The following ADAMTSL1 variants were observed in gnomAD, a reference collection of about 807,000 sequenced individuals.
ADAMTSL1 encodes the protein ADAMTS-like protein 1.
In ADAMTSL1, 126 loss-of-function variants were observed where a neutral mutation model predicts 201.8. The observed-to-expected ratio is 0.62, with a 90% CI of 0.54 to 0.72. The LOEUF (loss-of-function observed/expected upper bound fraction) is 0.72. Ranked by LOEUF, ADAMTSL1 falls within the 30% of genes least tolerant of loss-of-function variation. The probability of loss-of-function intolerance (pLI) is 0.00; values close to 1 mark genes in which losing one functional copy is unlikely to be tolerated. For missense variants in ADAMTSL1, 2,679 were observed against 2,277.8 expected (o/e 1.18, Z -3.59); for synonymous variants, 1,121 against 903.4 (o/e 1.24, Z -4.32).
chr9:18,149,920 T>C (rs1826832880), intron 1 of ADAMTSL1, among the ~76,000 whole-genome samples: 1 of 151,960 alleles, frequency 6.6e-6, no homozygotes, highest in East Asian at 1.9e-4. Flanking sequence ...AGACAGATTA[T>C]AGGCAGACTT....
chr9:18,432,756 G>A (rs1819553672), intron 2 of ADAMTSL1, among the ~76,000 whole-genome samples: 1 of 152,144 alleles, frequency 6.6e-6, no homozygotes, highest in African/African-American at 2.4e-5. Context: ...TTATTATAAG[G>A]ATCAAGTGTG....
chr9:18,481,533 C>G (rs1821730013), intron 1 of ADAMTSL1, among the ~76,000 whole-genome samples: 1 of 151,270 alleles, frequency 6.6e-6, no homozygotes, highest in Admixed American at 6.6e-5. Context: ...CAAAACACAA[C>G]TCTTCTGTAG....
chr9:18,343,764 A>T (rs1234994517), intron 2 of ADAMTSL1, among the ~76,000 whole-genome samples: 1 of 152,142 alleles, frequency 6.6e-6, no homozygotes, highest in Admixed American at 6.6e-5. Flanking sequence ...ATAAACTGTG[A>T]TGCATTGATC....
intron 1 of ADAMTSL1, among the ~76,000 whole-genome samples, chr9:17,915,062 G>A (rs1050021994): frequency 2.6e-5 from 4 of 151,736 alleles, no homozygotes; most frequent in African/African-American, 9.7e-5. Flanking sequence ...AGGTATAAAT[G>A]GCATAAGGTA....
At chr9:18,274,892 C>G (rs1038806737) in intron 2 of ADAMTSL1, among the ~76,000 whole-genome samples, 4 of 152,158 alleles carry the variant, frequency 2.6e-5, no homozygotes, top group Admixed American at 2.6e-4. Context: ...AAAGATCATT[C>G]TGAACTGAAA....
At chr9:18,037,753 C>T (rs574336446) in intron 1 of ADAMTSL1, among the ~76,000 whole-genome samples, 58 of 152,236 alleles carry the variant, frequency 3.8e-4, no homozygotes, top group African/African-American at 1.3e-3. Context: ...ACCTTTATAA[C>T]TTCTTACGTG....
intron 2 of ADAMTSL1, among the ~76,000 whole-genome samples, chr9:18,240,570 T>C: frequency 6.6e-6 from 1 of 152,192 alleles, no homozygotes. Flanking sequence ...AGAGTTAGAC[T>C]GTCCTTCGAA....
At chr9:18,230,398 G>T (rs34110348) in intron 2 of ADAMTSL1, among the ~76,000 whole-genome samples, 1 of 152,030 alleles carries the variant, frequency 6.6e-6, no homozygotes, top group African/African-American at 2.4e-5. Context: ...AGAAGTAGGG[G>T]AAGTGTCCCC....
chr9:18,795,449 G>T lies in ADAMTSL1; in HGVS notation c.3730G>T (p.Asp1244Tyr). ...ACAGATCTTGGCACCAGTGGAAGCA[G>T]ATGTGGGTTTCTACACTTGCAATGC... ...SLQILAPVEA[D>Y]VGFYTCNATN... is the part of the protein sequence containing the mutation. Residue 1244 changes from aspartate to tyrosine, a missense_variant, in exon 20 of 29, where the codon GAT becomes TAT. Coordinates refer to ENST00000380548, the MANE Select transcript of ADAMTSL1 (RefSeq NM_001040272.6). 6.2e-7 allele frequency: 1 copy of T among 1,613,954 alleles called. No individual in the cohort carries two copies. Among genetic ancestry groups the T allele is most frequent in the Non-Finnish European group, 8.5e-7 (1 of 1,179,854 alleles).
In ADAMTSL1 at chr9:18,644,552, A is replaced by C. The variant is rs530993456; in HGVS notation, c.834+5141A>C. On this transcript the variant is annotated intron_variant, in intron 7 of 28. Coordinates refer to ENST00000380548, the MANE Select transcript of ADAMTSL1 (RefSeq NM_001040272.6). The stretch of plus-strand genomic sequence containing the variant: ...TCCCTCCCCCCTACCCCCACCCCAC[A>C]ACAGTCCCCAGAGTGTGATGTTCCC... Among the ~76,000 whole-genome samples, 100 of 145,800 alleles carry C rather than the reference A, an allele frequency of 6.9e-4. 1 individual carries two copies. Among genetic ancestry groups the C allele is most frequent in the African/African-American group, 2.3e-3 (91 of 38,994 alleles).
chr9:18,286,535 T>C (rs1274650354), intron 2 of ADAMTSL1, among the ~76,000 whole-genome samples: 1 of 152,120 alleles, frequency 6.6e-6, no homozygotes, highest in Non-Finnish European at 1.5e-5. Context: ...CCAAAGATAA[T>C]GATAGTAGAT....
chr9:18,630,093 C>T (rs773487448), intron 5 of ADAMTSL1, among the ~76,000 whole-genome samples: 8 of 151,938 alleles, frequency 5.3e-5, no homozygotes, highest in Non-Finnish European at 1.2e-4. Flanking sequence ...TATAAATATC[C>T]TTGAGCTGTG....
chr9:18,776,882 G>T lies in ADAMTSL1; in HGVS notation c.2653G>T (p.Gly885Cys). ...RQRKLHFVVG[G>C]FAYLLPKTAV... ...GAGGAAGCTGCACTTCGTGGTGGGG[G>T]GCTTCGCCTACCTGCTCCCCAAGAC... Residue 885 changes from glycine (G) to cysteine (C), a missense_variant, in exon 19 of 29, where the codon GGC (glycine) becomes TGC (cysteine). Transcript: ENST00000380548. The T allele has an allele frequency of 6.2e-7, 1 of 1,611,584 alleles. No individual in the cohort carries two copies. The highest frequency in any genetic ancestry group is 1.1e-5 in the South Asian group (1 of 90,764).
At chr9:18,229,580 A>G (rs1027043452) in intron 2 of ADAMTSL1, among the ~76,000 whole-genome samples, 4 of 152,154 alleles carry the variant, frequency 2.6e-5, no homozygotes, top group East Asian at 3.9e-4. Flanking sequence ...CAGGTATGTT[A>G]TAGAAGGAAT....
At chr9:18,341,917 G>T (rs1835479142) in intron 2 of ADAMTSL1, among the ~76,000 whole-genome samples, 1 of 152,070 alleles carries the variant, frequency 6.6e-6, no homozygotes, top group Non-Finnish European at 1.5e-5. Context: ...AGGCTTTAAG[G>T]GTTAAGGTAA....
chr9:18,644,562 A>T (rs1288760957), intron 7 of ADAMTSL1, among the ~76,000 whole-genome samples: 1 of 128,466 alleles, frequency 7.8e-6, no homozygotes, highest in African/African-American at 3.0e-5. Flanking sequence ...AACAGTCCCC[A>T]GAGTGTGATG....
intron 1 of ADAMTSL1, among the ~76,000 whole-genome samples, chr9:17,973,231 T>G (rs1588502724): frequency 1.3e-5 from 2 of 151,330 alleles, no homozygotes; most frequent in South Asian, 4.2e-4. Context: ...AGACATGAAG[T>G]CCTTGCCCAG....
intron 2 of ADAMTSL1, among the ~76,000 whole-genome samples, chr9:18,432,575 C>T (rs1364074839): frequency 6.6e-6 from 1 of 152,046 alleles, no homozygotes; most frequent in Non-Finnish European, 1.5e-5. Context: ...TTATCAAATG[C>T]TTTGCTAAAA....
At chr9:18,124,642 G>C (rs1825660010) in intron 1 of ADAMTSL1, among the ~76,000 whole-genome samples, 1 of 151,938 alleles carries the variant, frequency 6.6e-6, no homozygotes. Flanking sequence ...ATAAAAATAA[G>C]GTCATATTTG....
Sources: allele counts gnomAD v4.1 joint callset (sites outside exome capture counted in the v4.1 genomes callset), GRCh38; gene constraint gnomAD v4.1.1; transcripts MANE v1.5; gene names NCBI Gene and HGNC (gene_info 2026-07-23, HGNC 2026-07-21).